RUFY1: variants seen among roughly 807,000 people sequenced by gnomAD.
RUFY1 encodes the protein RUN and FYVE domain containing 1, also known as RUN and FYVE domain-containing protein 1.
Under a neutral mutation model 94.6 loss-of-function variants are expected in RUFY1, and 54 were observed. The ratio of observed to expected loss-of-function variants is 0.57; its 90% CI spans 0.46 to 0.72. The LOEUF is 0.72. Ranked by LOEUF, RUFY1 falls within the 30% of genes least tolerant of loss-of-function variation. The pLI is 0.00. For missense variants in RUFY1, 883 were observed against 883.9 expected (o/e 1.00, Z 0.01); for synonymous variants, 396 against 347.3 (o/e 1.14, Z -1.56).
rs1293883193 is a variant in RUFY1, at chr5:179,550,647, C to T, written c.78C>T (p.Pro26=). The T allele has an allele frequency of 5.6e-6, 8 of 1,418,252 alleles. No homozygotes were observed. The highest frequency in any genetic ancestry group is 2.6e-5 in the Admixed American group (1 of 38,998). 87.9% of individuals were successfully genotyped at this position (1,418,252 alleles called of 1,614,324 possible). Residue 26 remains proline (P), a synonymous_variant, in exon 1 of 18, where the codon CCC becomes CCT. Coordinates refer to ENST00000319449, the MANE Select transcript of RUFY1 (RefSeq NM_025158.5). ...CGGAGCTGGAGCCGGGGCCGGGGCC[C>T]GGGTCAGCGCTTGAGCCGGGAGAAG... ...LEPELEPGPG[P]GSALEPGEEF... is the part of the protein sequence containing the mutation.
At chr5:179,590,103 C>T (rs1006456953) in intron 9 of RUFY1, among the ~76,000 whole-genome samples, 3 of 152,106 alleles carry the variant, frequency 2.0e-5, no homozygotes, top group East Asian at 3.9e-4. Flanking sequence ...CCTGTAATCC[C>T]AGCACTTTGG....
At chr5:179,569,874 A>G (rs555041845) in intron 5 of RUFY1, among the ~76,000 whole-genome samples, 1 of 152,236 alleles carries the variant, frequency 6.6e-6, no homozygotes, top group African/African-American at 2.4e-5. Context: ...CCTCCCGAGT[A>G]GCTGGGACCA....
chr5:179,562,152 G>T (rs1014120603), intron 2 of RUFY1, among the ~76,000 whole-genome samples: 1 of 151,698 alleles, frequency 6.6e-6, no homozygotes, highest in African/African-American at 2.4e-5. Context: ...TGTGGCTCAC[G>T]CCTGTTATCC....
Position 179,550,893 on chromosome 5 carries a change from GGGTCT to G in RUFY1, c.310+16_310+20del. 1 of 1,134,154 alleles carries G rather than the reference GGGTCT, an allele frequency of 8.8e-7. No homozygotes were observed. Among genetic ancestry groups the G allele is most frequent in the Non-Finnish European group, 1.1e-6 (1 of 926,952 alleles). 70.3% of individuals were successfully genotyped at this position (1,134,154 alleles called of 1,614,324 possible). On this transcript the variant is annotated intron_variant, in intron 1 of 17. Coordinates refer to ENST00000319449, the MANE Select transcript of RUFY1 (RefSeq NM_025158.5). ...CGGCGCGCGCAGGTAGGCTCGGGCC[GGGTCT>G]GTCCCGCGGCGGACTCGCGTGTCCC... is the stretch of plus-strand genomic sequence containing the variant.
intron 6 of RUFY1, among the ~76,000 whole-genome samples, chr5:179,578,612 A>G (rs962426561): frequency 2.6e-5 from 4 of 151,918 alleles, no homozygotes; most frequent in African/African-American, 4.8e-5. Flanking sequence ...AAAACAATGT[A>G]TAACATACTA....
At chr5:179,569,478 A>G in intron 5 of RUFY1, 53 bp downstream of exon 5, 2 of 1,584,202 alleles carry the variant, frequency 1.3e-6, no homozygotes, top group Non-Finnish European at 8.7e-7. Flanking sequence ...CAGGGACTTT[A>G]CATAGGATCT....
At chr5:179,605,825 A>AGCGG in intron 15 of RUFY1, 51 bp from the exon 16 acceptor site, 1 of 1,194,704 alleles carries the variant, frequency 8.4e-7, no homozygotes, top group Non-Finnish European at 1.2e-6. Context: ...TTAGGGATTC[A>AGCGG]GAGCCTCACT....
At chr5:179,601,674 C>A (rs2127570680) in intron 14 of RUFY1, among the ~76,000 whole-genome samples, 1 of 151,736 alleles carries the variant, frequency 6.6e-6, no homozygotes, top group East Asian at 2.0e-4. Flanking sequence ...CAAAAATTAG[C>A]AGGGCATGGT....
At chr5:179,577,684 G>A (rs1418480593) in intron 6 of RUFY1, among the ~76,000 whole-genome samples, 2 of 150,804 alleles carry the variant, frequency 1.3e-5, no homozygotes, top group Non-Finnish European at 2.9e-5. Context: ...AGCAAATCCG[G>A]GTTGGACTGT....
At position 179,609,390 on chromosome 5, in the gene RUFY1, C is replaced by A; in HGVS notation, c.1998C>A (p.Asn666Lys). 4 of 1,613,552 alleles carry A rather than the reference C, an allele frequency of 2.5e-6. No individual in the cohort carries two copies. Among genetic ancestry groups the A allele is most frequent in the Non-Finnish European group, 3.4e-6 (4 of 1,179,928 alleles). Residue 666 changes from asparagine to lysine, a missense_variant, in exon 18 of 18, where the codon AAC becomes AAA. Asn to Lys is a moderately conservative substitution (Grantham distance 94). Coordinates refer to ENST00000319449, the MANE Select transcript of RUFY1 (RefSeq NM_025158.5). The stretch of plus-strand genomic sequence containing the variant: ...CCGTCCTGTAGCACCACTGCCGGAA[C>A]TGTGGCCACATCTTCTGCAACACCT... The part of the protein sequence containing the change: ...SISRRKHHCR[N>K]CGHIFCNTCS...
At position 179,555,689 on chromosome 5, in the gene RUFY1, G is replaced by A. The variant is rs186787128; in HGVS notation, c.311-4336G>A. 4.8e-3 allele frequency: 1,944 copies of A among 402,136 alleles called. 6 individuals are homozygous for A. The highest frequency in any genetic ancestry group is 6.7e-3 in the Non-Finnish European group (1,379 of 204,424). 24.9% of individuals were successfully genotyped at this position (402,136 alleles called of 1,614,324 possible). A position where few individuals can be genotyped will look rare whatever the true frequency, so the allele number is the denominator to read the frequency against. On this transcript the variant is annotated intron_variant, in intron 1 of 17. Transcript: ENST00000319449. The stretch of plus-strand genomic sequence containing the variant: ...GTCACCCAGGCTGGAGTGCAATGGC[G>A]TGATCTCGGGTCACGGCAACCTCCG...
intron 9 of RUFY1, 98 bp downstream of exon 9, chr5:179,589,745 A>C: frequency 1.1e-6 from 1 of 931,178 alleles, no homozygotes. Context: ...AGTCTTCAGA[A>C]TGCAAAGGTG....
chr5:179,584,166 C>T (rs553345417), intron 7 of RUFY1, among the ~76,000 whole-genome samples: 1 of 152,164 alleles, frequency 6.6e-6, no homozygotes, highest in East Asian at 1.9e-4. Context: ...TGGTTTTTTT[C>T]CCTTTTTCAT....
At chr5:179,573,828 G>T (rs1178825016) in intron 5 of RUFY1, among the ~76,000 whole-genome samples, 4 of 152,018 alleles carry the variant, frequency 2.6e-5, no homozygotes, top group Non-Finnish European at 4.4e-5. Flanking sequence ...GGCCTACTTT[G>T]TGATTTTTTA....
intron 10 of RUFY1, among the ~76,000 whole-genome samples, chr5:179,592,745 T>C (rs1562066709): frequency 6.6e-6 from 1 of 152,226 alleles, no homozygotes; most frequent in East Asian, 1.9e-4. Context: ...GGGAAACATG[T>C]CCTGGGTCAG....
rs752041099 is a variant in RUFY1, at chr5:179,589,601, G to A, written c.1082G>A (p.Arg361Lys). 1 of 1,614,158 alleles carries A rather than the reference G, an allele frequency of 6.2e-7. No homozygotes were observed. Among genetic ancestry groups the A allele is most frequent in the South Asian group, 1.1e-5 (1 of 91,074 alleles). Reference sequence around the variant, plus strand: ...CTTCAAGAAGAACAGCAGCAGTTAAGAGAACAAAATGAATTAATTCGAGAA... The same window carrying A: ...CTTCAAGAAGAACAGCAGCAGTTAAAAGAACAAAATGAATTAATTCGAGAA... The part of the protein sequence containing the change: ...CSLQEEQQQL[R>K]EQNELIRERS... The change falls in exon 9 of 18, where the codon AGA becomes AAA. Residue 361 changes from arginine (R) to lysine (K), a missense_variant. Physicochemically the swap from Arg to Lys is conservative, Grantham distance 26. Transcript: ENST00000319449.
intron 10 of RUFY1, 151 bp from the exon 11 acceptor site, chr5:179,593,327 C>T (rs910268397): frequency 3.5e-6 from 3 of 846,764 alleles, no homozygotes; most frequent in Non-Finnish European, 5.5e-6. Context: ...ATCCGCCCAC[C>T]TCAGCCTCCC....
chr5:179,584,950 A>G (rs1764479253), intron 7 of RUFY1, among the ~76,000 whole-genome samples: 1 of 151,950 alleles, frequency 6.6e-6, no homozygotes, highest in Non-Finnish European at 1.5e-5. Context: ...CCTGGCTAAC[A>G]CAGTGAAACC....
intron 4 of RUFY1, among the ~76,000 whole-genome samples, chr5:179,568,387 A>G (rs1174956158): frequency 6.6e-6 from 1 of 152,258 alleles, no homozygotes; most frequent in African/African-American, 2.4e-5. Context: ...GACTCTTTCC[A>G]GAGTTAAAGC....
Sources: allele counts gnomAD v4.1 joint callset (sites outside exome capture counted in the v4.1 genomes callset), GRCh38; gene constraint gnomAD v4.1.1; transcripts MANE v1.5; gene names NCBI Gene and HGNC (gene_info 2026-07-23, HGNC 2026-07-21).